The following GON4L variants were observed in gnomAD, a reference collection of about 807,000 sequenced individuals.
GON4L encodes GON-4-like protein.
In GON4L, 87 loss-of-function variants were observed where a neutral mutation model predicts 211.8. The observed-to-expected ratio is 0.41, with a 90% CI of 0.35 to 0.49. The LOEUF (loss-of-function observed/expected upper bound fraction) is 0.49, where lower values mean the gene tolerates loss of function less well. GON4L is among the 20% of genes least tolerant of loss of function. The pLI is 0.15. For missense variants in GON4L, 2,155 were observed against 2,659.5 expected (o/e 0.81, Z 4.17); for synonymous variants, 875 against 962.6 (o/e 0.91, Z 1.68).
rs1417373532 is a variant in GON4L, at chr1:155,804,776, G to A, written c.1645+173C>T. 2.7e-5 allele frequency among the ~76,000 whole-genome samples: 4 copies of A among 148,604 alleles called. No homozygotes were observed. The South Asian group carries it at 8.5e-4, about 32-fold the overall frequency. On this transcript the variant is annotated intron_variant, in intron 11 of 31. Coordinates refer to ENST00000368331, the MANE Select transcript of GON4L (RefSeq NM_001282860.2). ...AGCCTGGGTGACAGAGTGAGACCCT[G>A]TCTCAGGAAAAAAAAAAAAAGAAAA...
At chr1:155,854,659 A>G (rs1162373919) in intron 1 of GON4L, among the ~76,000 whole-genome samples, 1 of 152,168 alleles carries the variant, frequency 6.6e-6, no homozygotes, top group Non-Finnish European at 1.5e-5. Context: ...TGATCAATAC[A>G]TGTTTGCTAT....
chr1:155,836,192 G>A (rs1670276021), intron 2 of GON4L, among the ~76,000 whole-genome samples: 1 of 151,678 alleles, frequency 6.6e-6, no homozygotes, highest in Middle Eastern at 3.2e-3. Context: ...GCACCATTTG[G>A]CCTCCACGAA....
chr1:155,765,449 G>T lies in GON4L; in HGVS notation c.4024C>A (p.Arg1342Ser). 1.2e-6 allele frequency: 2 copies of T among 1,614,062 alleles called. No individual in the cohort carries two copies. Among genetic ancestry groups the T allele is most frequent in the South Asian group, 2.2e-5 (2 of 91,078 alleles). Residue 1342 changes from arginine (R) to serine (S), a missense_variant, in exon 21 of 32, where the codon CGT becomes AGT. By Grantham distance (110) the Arg-to-Ser change is moderately radical. Around this residue, in one of 6 missense-constraint regions of GON4L, gnomAD observed 615 missense variants for 625.7 expected, o/e 0.98. Coordinates refer to ENST00000368331, the MANE Select transcript of GON4L (RefSeq NM_001282860.2). Reference protein sequence around the residue: ...AREEISGSPERDICDDIKVEH... With the variant: ...AREEISGSPESDICDDIKVEH... The stretch of plus-strand genomic sequence containing the variant: ...ACTTTGATGTCATCACAAATATCAC[G>T]CTCAGGGGATCCACTGATTTCCTCT...
In GON4L at chr1:155,853,655, C is replaced by G. The variant is rs1177017349; in HGVS notation, c.126G>C (p.Leu42Phe). ...GATCCCAGGATAGTGACACCGAACT[C>G]AAGTCCTTAACCTGGTCAGATTCTG... The part of the protein sequence containing the change: ...VKPESDQVKD[L>F]SSVSLSWDPS... Residue 42 changes from leucine (L) to phenylalanine (F), a missense_variant, in exon 2 of 32, where the codon TTG becomes TTC. By Grantham distance (22) the Leu-to-Phe change is conservative. Transcript: ENST00000368331. The G allele has an allele frequency of 5.0e-6, 8 of 1,614,148 alleles. No homozygotes were observed. The highest frequency in any genetic ancestry group is 3.3e-5 in the Admixed American group (2 of 60,022).
rs537141641 is a variant in GON4L, at chr1:155,765,711, T to C, written c.3762A>G (p.Leu1254=). The C allele has an allele frequency of 1.2e-5, 19 of 1,614,184 alleles. No homozygotes were observed. In the East Asian group the frequency reaches 4.0e-4, roughly 34 times the overall value. The change falls in exon 21 of 32, where the codon CTA becomes CTG. Residue 1254 remains leucine (L), a synonymous_variant. Coordinates refer to ENST00000368331, the MANE Select transcript of GON4L (RefSeq NM_001282860.2). ...GGAAAACAGTAGCAGAGAGAGGAGA[T>C]AGTTCCTGGGGCTCTAATTTGGGTT... ...GLEPKLEPQE[L]SPLSATVFPK...
rs1261253329 is a variant in GON4L at position 155,809,960 on chromosome 1, CATATATAATTATAAATTATATAT to C, written c.1452+3651_1452+3673del. 1.8e-4 allele frequency among the ~76,000 whole-genome samples: 24 copies of C among 130,690 alleles called. 1 individual carries two copies. The highest frequency in any genetic ancestry group is 4.2e-4 in the East Asian group (2 of 4,794). The allele number at this position is 130,690 out of a possible 152,430, so 85.7% of individuals were successfully genotyped here. The stretch of plus-strand genomic sequence containing the variant: ...TACATATATAATTATAAATTATATA[CATATATAATTATAAATTATATAT>C]ATATATAATTATATATATATATATA... On this transcript the variant is annotated intron_variant, in intron 10 of 31. Coordinates refer to ENST00000368331, the MANE Select transcript of GON4L (RefSeq NM_001282860.2).
At chr1:155,819,732 T>C (rs889059799) in intron 6 of GON4L, among the ~76,000 whole-genome samples, 1 of 152,204 alleles carries the variant, frequency 6.6e-6, no homozygotes, top group Non-Finnish European at 1.5e-5. Flanking sequence ...AAGAAGGATA[T>C]AGCACAGCTC....
intron 10 of GON4L, among the ~76,000 whole-genome samples, chr1:155,808,860 C>G (rs752513687): frequency 3.9e-5 from 6 of 152,078 alleles, no homozygotes; most frequent in Non-Finnish European, 7.4e-5. Context: ...GATCCACTCT[C>G]CTTGGCCTCC....
chr1:155,770,341 G>A (rs1663066155), intron 19 of GON4L, among the ~76,000 whole-genome samples: 1 of 152,122 alleles, frequency 6.6e-6, no homozygotes, highest in African/African-American at 2.4e-5. Context: ...ACCAGTCTGG[G>A]CAACAAAGTG....
chr1:155,851,353 C>CAA (rs372086000), intron 2 of GON4L, among the ~76,000 whole-genome samples: 6 of 135,650 alleles, frequency 4.4e-5, no homozygotes, highest in African/African-American at 1.6e-4. Context: ...GACTACGTCT[C>CAA]AAAAAAAAAA....
At chr1:155,793,064 C>T (rs1665757235) in intron 12 of GON4L, among the ~76,000 whole-genome samples, 1 of 152,094 alleles carries the variant, frequency 6.6e-6, no homozygotes. Flanking sequence ...AGCCACTGTG[C>T]CCCAGCCAAA....
In GON4L at chr1:155,806,475, G is replaced by A. The variant is rs548739116; in HGVS notation, c.1453-1334C>T. 1.3e-4 allele frequency among the ~76,000 whole-genome samples: 20 copies of A among 152,060 alleles called. No individual in the cohort carries two copies. In the South Asian group the frequency reaches 3.9e-3, roughly 30 times the overall value. On this transcript the variant is annotated intron_variant, in intron 10 of 31. Coordinates refer to ENST00000368331, the MANE Select transcript of GON4L (RefSeq NM_001282860.2). ...TTTTTTTCATTTTTTGTAGAGATGG[G>A]GGTGGGGGGACTCCCTATGTTGCCC...
intron 1 of GON4L, among the ~76,000 whole-genome samples, chr1:155,854,842 C>G (rs1340525418): frequency 6.6e-6 from 1 of 151,928 alleles, no homozygotes; most frequent in African/African-American, 2.4e-5. Context: ...TCGAGACCAG[C>G]CTGATCAACA....
intron 2 of GON4L, among the ~76,000 whole-genome samples, chr1:155,842,680 C>A (rs1253525031): frequency 1.3e-5 from 2 of 150,658 alleles, no homozygotes; most frequent in African/African-American, 2.4e-5. Flanking sequence ...TAGTAAAATA[C>A]AAAAAATTTA....
At position 155,853,678 on chromosome 1, in the gene GON4L, C is replaced by T; in HGVS notation, c.103G>A (p.Glu35Lys). 6.2e-7 allele frequency: 1 copy of T among 1,613,626 alleles called. No individual in the cohort carries two copies. Among genetic ancestry groups the T allele is most frequent in the Non-Finnish European group, 8.5e-7 (1 of 1,179,560 alleles). ...NVDLESAVKP[E>K]SDQVKDLSSV... ...CTCAAGTCCTTAACCTGGTCAGATTCTGGTTTAACGGCTGATTCTAGGTCT... is the reference window on the plus strand; with the variant it reads ...CTCAAGTCCTTAACCTGGTCAGATTTTGGTTTAACGGCTGATTCTAGGTCT... Residue 35 changes from glutamate (E) to lysine (K), a missense_variant, in exon 2 of 32, where the codon GAA becomes AAA. Around this residue, in one of 6 missense-constraint regions of GON4L, gnomAD observed 313 missense variants for 293.2 expected, o/e 1.07. Coordinates refer to ENST00000368331, the MANE Select transcript of GON4L (RefSeq NM_001282860.2).
At chr1:155,805,432 A>C (rs991118600) in intron 10 of GON4L, among the ~76,000 whole-genome samples, 3 of 133,010 alleles carry the variant, frequency 2.3e-5, no homozygotes, top group Non-Finnish European at 4.9e-5. Context: ...TCATATATTC[A>C]CAGAGTTATA....
Position 155,753,213 on chromosome 1 carries a change from G to GC in GON4L, c.5832dup (p.Pro1945AlafsTer51), listed in dbSNP as rs754034326. ...TTGGCAAATCACTCACCTGAAACAG[G>GC]CATCTCTCCCTTTCTGGTGGTCCTG... On this transcript the variant is annotated frameshift_variant, in exon 29 of 32. Coordinates refer to ENST00000368331, the MANE Select transcript of GON4L (RefSeq NM_001282860.2). LOFTEE classifies it high-confidence loss of function. 3 of 1,611,830 alleles carry GC rather than the reference G, an allele frequency of 1.9e-6. No individual in the cohort carries two copies. The highest frequency in any genetic ancestry group is 2.5e-6 in the Non-Finnish European group (3 of 1,177,922).
intron 3 of GON4L, among the ~76,000 whole-genome samples, chr1:155,823,010 G>T (rs1668871049): frequency 6.6e-6 from 1 of 151,920 alleles, no homozygotes; most frequent in African/African-American, 2.4e-5. Context: ...GGTCAGGCTG[G>T]TATTGAACTC....
intron 10 of GON4L, among the ~76,000 whole-genome samples, chr1:155,806,205 T>C (rs1571809346): frequency 6.6e-6 from 1 of 150,418 alleles, no homozygotes; most frequent in South Asian, 2.1e-4. Context: ...CATTCTGGAG[T>C]GCAGTGGTAC....
Sources: gnomAD v4.1 joint callset for allele counts (sites outside exome capture counted in the v4.1 genomes callset) on GRCh38, gnomAD v4.1.1 for gene constraint, gnomAD v4.1.1 regional missense constraint, MANE v1.5 for transcripts, NCBI Gene and HGNC (gene_info 2026-07-23, HGNC 2026-07-21) for gene names.